Variants in SEC14L2 observed in about 807,000 individuals in gnomAD.
SEC14L2 encodes SEC14-like protein 2.
SEC14L2 carries 50 observed loss-of-function variants against 56.9 expected under a neutral mutation model. The observed-to-expected ratio is 0.88, with a 90% CI of 0.70 to 1.11. The LOEUF (loss-of-function observed/expected upper bound fraction) is 1.11. SEC14L2 is among the 50% of genes most tolerant of loss of function. SEC14L2 has a pLI of 0.00. For missense variants in SEC14L2, 414 were observed against 500.7 expected (o/e 0.83, Z 1.65); for synonymous variants, 179 against 188.5 (o/e 0.95, Z 0.41).
Position 30,422,655 on chromosome 22 carries a change from C to T in SEC14L2, c.*248C>T. The T allele has an allele frequency of 2.5e-6, 1 of 401,642 alleles. No homozygotes were observed. The highest frequency in any genetic ancestry group is 4.5e-6 in the Non-Finnish European group (1 of 222,664). 24.9% of individuals were successfully genotyped at this position (401,642 alleles called of 1,614,324 possible). A position where few individuals can be genotyped will look rare whatever the true frequency, so the allele number is the denominator to read the frequency against. On this transcript the variant is annotated 3_prime_UTR_variant, in exon 12 of 12. Transcript: ENST00000615189. ...GGATCTGTCTGTCCTGTAAACTGTG[C>T]CAACTTCACCTGTCCAGGGACAGCG...
chr22:30,397,658 A>ACCCTGCC (rs1490727509), intron 1 of SEC14L2: 1 of 332,404 alleles, frequency 3.0e-6, no homozygotes, highest in Non-Finnish European at 6.0e-6. Context: ...CTTGGGCAAA[A>ACCCTGCC]CCCTGCCCTT....
intron 11 of SEC14L2, 139 bp from the exon 12 acceptor site, chr22:30,422,138 G>C (rs1934535750): frequency 9.4e-7 from 1 of 1,062,492 alleles, no homozygotes; most frequent in East Asian, 2.4e-5. Flanking sequence ...AGAAGGTCAA[G>C]GATCATTACC....
chr22:30,403,927 C>T (rs1052681726), intron 2 of SEC14L2, among the ~76,000 whole-genome samples: 11 of 147,824 alleles, frequency 7.4e-5, no homozygotes, highest in Non-Finnish European at 1.5e-5. Flanking sequence ...GGCGTGAACC[C>T]GGGAAGCGGA....
intron 8 of SEC14L2, 109 bp from the exon 9 acceptor site, chr22:30,415,650 G>A (rs1220454098): frequency 2.4e-6 from 2 of 843,516 alleles, no homozygotes; most frequent in East Asian, 5.3e-5. Context: ...GTGTTGTGGG[G>A]TGCAATGGAT....
At position 30,424,433 on chromosome 22, in the gene SEC14L2, G is replaced by A; in HGVS notation, c.*2026G>A. 2.9e-6 allele frequency: 1 copy of A among 339,970 alleles called. No homozygotes were observed. The highest frequency in any genetic ancestry group is 5.8e-6 in the Non-Finnish European group (1 of 173,682). The allele number at this position is 339,970 out of a possible 1,614,324, so 21.1% of individuals were successfully genotyped here. A position where few individuals can be genotyped will look rare whatever the true frequency, so the allele number is the denominator to read the frequency against. Reference sequence around the variant, plus strand: ...AAGACAGAGGCGCCTAGGGCTGAAAGCGGGGGCCTCCGTAGGGAGCCAGCG... The same window carrying A: ...AAGACAGAGGCGCCTAGGGCTGAAAACGGGGGCCTCCGTAGGGAGCCAGCG... On this transcript the variant is annotated 3_prime_UTR_variant, in exon 12 of 12. Coordinates refer to ENST00000615189, the MANE Select transcript of SEC14L2 (RefSeq NM_012429.5).
rs555062268 is a variant in SEC14L2 at position 30,415,704 on chromosome 22, G to A, written c.665-55G>A. 3.4e-5 allele frequency: 52 copies of A among 1,513,886 alleles called. No individual in the cohort carries two copies. In the East Asian group the frequency reaches 6.1e-4, roughly 18 times the overall value. 93.8% of individuals were successfully genotyped at this position (1,513,886 alleles called of 1,614,324 possible). On this transcript the variant is annotated intron_variant, in intron 8 of 11. Transcript: ENST00000615189. The stretch of plus-strand genomic sequence containing the variant: ...TAGTGTAGACCACTAGGGTTATGGC[G>A]AAATCTTACCTAGTGTTGAGATACA...
At position 30,409,487 on chromosome 22, in the gene SEC14L2, G is replaced by GT. The variant is rs1182245324; in HGVS notation, c.580+2dup. 6.2e-7 allele frequency: 1 copy of GT among 1,613,898 alleles called. No individual in the cohort carries two copies. The highest frequency in any genetic ancestry group is 2.2e-5 in the East Asian group (1 of 44,898). On this transcript the variant is annotated splice_donor_variant, in intron 7 of 11. Coordinates refer to ENST00000615189, the MANE Select transcript of SEC14L2 (RefSeq NM_012429.5). LOFTEE classifies it high-confidence loss of function. ...CTGAAGCGTCTTTTTGTTGTTAAAG[G>GT]TAAGTTGGGAATTTCTTGTGATAAA...
intron 1 of SEC14L2, 35 bp downstream of exon 1, chr22:30,397,205 GGCTGTGGCCCTCGCC>G (rs1933778793): frequency 6.7e-7 from 1 of 1,485,406 alleles, no homozygotes; most frequent in African/African-American, 1.4e-5. Context: ...TCCCGCCTCG[GGCTGTGGCCCTCGCC>G]CTCCTGCGGC....
intron 2 of SEC14L2, among the ~76,000 whole-genome samples, chr22:30,401,963 T>C (rs901250269): frequency 6.6e-6 from 1 of 152,034 alleles, no homozygotes; most frequent in Non-Finnish European, 1.5e-5. Flanking sequence ...GATGAAGAGA[T>C]GTATTTTCCT....
chr22:30,397,968 C>G (rs1442027739), intron 1 of SEC14L2: 1 of 450,736 alleles, frequency 2.2e-6, no homozygotes, highest in East Asian at 7.1e-5. Flanking sequence ...ATCTGTCACC[C>G]CTGGGGAGTG....
chr22:30,410,021 A>C (rs1934206685), intron 7 of SEC14L2, among the ~76,000 whole-genome samples: 1 of 152,144 alleles, frequency 6.6e-6, no homozygotes, highest in Non-Finnish European at 1.5e-5. Context: ...AATATAGCAA[A>C]ACCCCATCTC....
chr22:30,403,378 TG>T (rs544167721), intron 2 of SEC14L2, among the ~76,000 whole-genome samples: 2 of 152,268 alleles, frequency 1.3e-5, no homozygotes, highest in African/African-American at 4.8e-5. Flanking sequence ...GTGGAAGCCC[TG>T]GGAGGGAGGC....
At position 30,424,629 on chromosome 22, in the gene SEC14L2, A is replaced by G. The variant is rs537491580; in HGVS notation, c.*2222A>G. ...AAGCGCTTAAGAGCTTGGTATAAGTAAGTGCTCGTCAATGTTGGCTACTCT... is the reference window on the plus strand; with the variant it reads ...AAGCGCTTAAGAGCTTGGTATAAGTGAGTGCTCGTCAATGTTGGCTACTCT... On this transcript the variant is annotated 3_prime_UTR_variant, in exon 12 of 12. Transcript: ENST00000615189. The G allele has an allele frequency of 2.4e-4, 110 of 449,210 alleles. No individual in the cohort carries two copies. The highest frequency in any genetic ancestry group is 1.7e-3 in the South Asian group (109 of 63,784). 27.8% of individuals were successfully genotyped at this position (449,210 alleles called of 1,614,324 possible).
At chr22:30,402,387 C>T (rs1318711832) in intron 2 of SEC14L2, among the ~76,000 whole-genome samples, 1 of 152,168 alleles carries the variant, frequency 6.6e-6, no homozygotes, top group African/African-American at 2.4e-5. Flanking sequence ...GGGGTCCTGG[C>T]AGCTGGTCTC....
At chr22:30,403,752 C>A (rs372550316) in intron 2 of SEC14L2, among the ~76,000 whole-genome samples, 1 of 151,992 alleles carries the variant, frequency 6.6e-6, no homozygotes, top group Non-Finnish European at 1.5e-5. Flanking sequence ...GCCTGTAATC[C>A]CAGCACTTTG....
At chr22:30,418,573 C>G (rs908352515) in intron 11 of SEC14L2, among the ~76,000 whole-genome samples, 1 of 152,206 alleles carries the variant, frequency 6.6e-6, no homozygotes, top group Non-Finnish European at 1.5e-5. Flanking sequence ...ATTTTAGTTC[C>G]TTCTGGATAC....
At chr22:30,409,598 T>A (rs1375452792) in intron 7 of SEC14L2, 112 bp downstream of exon 7, 1 of 1,003,326 alleles carries the variant, frequency 1.0e-6, no homozygotes, top group Non-Finnish European at 1.6e-6. Context: ...TGAGGACATG[T>A]TCAGAAGACT....
intron 8 of SEC14L2, among the ~76,000 whole-genome samples, chr22:30,414,966 T>A (rs575990540): frequency 2.6e-5 from 4 of 152,284 alleles, no homozygotes; most frequent in Non-Finnish European, 5.9e-5. Context: ...GTGTTCAGTA[T>A]AATCAGGACA....
rs956236354 is a variant in SEC14L2 at position 30,399,531 on chromosome 22, A to G, written c.55-112A>G. On this transcript the variant is annotated intron_variant, in intron 1 of 11. Transcript: ENST00000615189. ...TCTATCTCAAAAAAAAAAAAAAAAA[A>G]AAAAAAGAAACAAAGAAAGAGGCGT... The G allele has an allele frequency of 1.9e-4, 109 of 567,196 alleles. 1 individual carries two copies. The highest frequency in any genetic ancestry group is 2.6e-4 in the Non-Finnish European group (91 of 345,544). 35.1% of individuals were successfully genotyped at this position (567,196 alleles called of 1,614,324 possible). A position where few individuals can be genotyped will look rare whatever the true frequency, so the allele number is the denominator to read the frequency against.
Sources: gnomAD v4.1 joint callset for allele counts (sites outside exome capture counted in the v4.1 genomes callset) on GRCh38, gnomAD v4.1.1 for gene constraint, MANE v1.5 for transcripts, NCBI Gene and HGNC (gene_info 2026-07-23, HGNC 2026-07-21) for gene names.